Variants in PDZRN4 observed in about 807,000 individuals in gnomAD.
PDZRN4 encodes PDZ domain-containing RING finger protein 4.
In PDZRN4, 70 loss-of-function variants were observed where a neutral mutation model predicts 99.0. The ratio of observed to expected loss-of-function variants is 0.71; its 90% CI spans 0.58 to 0.86. The LOEUF is 0.86. Among genes scored for constraint, PDZRN4 ranks in the 40% least tolerant of loss-of-function variants. The probability of loss-of-function intolerance (pLI) is 0.00; values close to 1 mark genes in which losing one functional copy is unlikely to be tolerated. For missense variants in PDZRN4, 1,474 were observed against 1,331.2 expected, an observed-to-expected ratio of 1.11 and a Z score of -1.67; for synonymous variants, 551 against 501.6, an observed-to-expected ratio of 1.10 and a Z score of -1.32.
intron 5 of PDZRN4, among the ~76,000 whole-genome samples, chr12:41,540,330 G>C (rs1363705201): frequency 1.3e-5 from 2 of 152,118 alleles, no homozygotes; most frequent in Non-Finnish European, 2.9e-5. Context: ...CTGTATTTTA[G>C]GGGTGTTATA....
At chr12:41,326,974 A>G (rs1205840777) in intron 3 of PDZRN4, among the ~76,000 whole-genome samples, 1 of 152,174 alleles carries the variant, frequency 6.6e-6, no homozygotes, top group Non-Finnish European at 1.5e-5. Flanking sequence ...TCTGAACTGA[A>G]TTATTTCTCT....
In PDZRN4 at chr12:41,338,635, C is replaced by T. The variant is rs1951792371; in HGVS notation, c.843+144447C>T. ...AAAATGGAGACATGATAACTAACAT[C>T]ACAGAAATACAAAGGATCATAAGAG... On this transcript the variant is annotated intron_variant, in intron 3 of 9. Transcript: ENST00000402685. Among the ~76,000 whole-genome samples, 5 of 151,750 alleles carry T rather than the reference C, an allele frequency of 3.3e-5. No homozygotes were observed. The South Asian group carries it at 1.0e-3, about 32-fold the overall frequency.
At chr12:41,546,500 A>C (rs774250169) in intron 5 of PDZRN4, among the ~76,000 whole-genome samples, 1 of 152,208 alleles carries the variant, frequency 6.6e-6, no homozygotes, top group African/African-American at 2.4e-5. Context: ...CATAAAACTG[A>C]ATGTTGTGCC....
chr12:41,261,686 T>C (rs982131338), intron 3 of PDZRN4, among the ~76,000 whole-genome samples: 1 of 152,154 alleles, frequency 6.6e-6, no homozygotes, highest in African/African-American at 2.4e-5. Context: ...AGACAGGGTT[T>C]CACCGTGTTA....
In PDZRN4 at chr12:41,367,509, A is replaced by AAAAT. The variant is rs567895262; in HGVS notation, c.844-138931_844-138928dup. 3.4e-3 allele frequency among the ~76,000 whole-genome samples: 513 copies of AAAAT among 152,138 alleles called. 2 individuals are homozygous for AAAAT. Among genetic ancestry groups the AAAAT allele is most frequent in the African/African-American group, 0.012 (479 of 41,498 alleles). On this transcript the variant is annotated intron_variant, in intron 3 of 9. Coordinates refer to ENST00000402685, the MANE Select transcript of PDZRN4 (RefSeq NM_001164595.2). The stretch of plus-strand genomic sequence containing the variant: ...GGGTGACAGAGCAAGACTCTGTCTC[A>AAAAT]AAATAAATAAATAAATAAAAAAGAA...
chr12:41,504,891 C>T (rs1400199832), intron 3 of PDZRN4, among the ~76,000 whole-genome samples: 1 of 152,192 alleles, frequency 6.6e-6, no homozygotes, highest in Non-Finnish European at 1.5e-5. Context: ...ACTAGTGATT[C>T]AAGAGCAAGA....
chr12:41,234,520 T>C (rs1236983164), intron 3 of PDZRN4, among the ~76,000 whole-genome samples: 1 of 152,130 alleles, frequency 6.6e-6, no homozygotes, highest in Non-Finnish European at 1.5e-5. Flanking sequence ...TTATCACTGA[T>C]AGAGATATCT....
chr12:41,206,350 A>G (rs1950850534), intron 3 of PDZRN4, among the ~76,000 whole-genome samples: 2 of 151,798 alleles, frequency 1.3e-5, no homozygotes, highest in Non-Finnish European at 2.9e-5. Context: ...AAGACTTGGT[A>G]TTGTGTGTTT....
intron 9 of PDZRN4, among the ~76,000 whole-genome samples, chr12:41,568,912 C>A (rs1455178196): frequency 6.6e-6 from 1 of 151,130 alleles, no homozygotes; most frequent in African/African-American, 2.4e-5. Flanking sequence ...TCAATTGATT[C>A]TCCTGCCTCA....
At chr12:41,401,699 T>C (rs570570883) in intron 3 of PDZRN4, among the ~76,000 whole-genome samples, 1 of 152,244 alleles carries the variant, frequency 6.6e-6, no homozygotes, top group Admixed American at 6.5e-5. Context: ...CTAGCCTCTC[T>C]GGTATTGGCA....
At chr12:41,244,681 TTTTTTTTTC>T (rs1489423947) in intron 3 of PDZRN4, among the ~76,000 whole-genome samples, 1,004 of 26,852 alleles carry the variant, frequency 0.037, 17 homozygotes, top group South Asian at 0.2. Flanking sequence ...TTTTTTTTTT[TTTTTTTTTC>T]TTTTTGAGAC....
intron 3 of PDZRN4, among the ~76,000 whole-genome samples, chr12:41,376,541 C>G (rs1338839673): frequency 6.6e-6 from 1 of 152,042 alleles, no homozygotes; most frequent in Non-Finnish European, 1.5e-5. Flanking sequence ...GGAAAAATAT[C>G]AGTTCAAGCC....
chr12:41,233,380 C>G (rs1398482280), intron 3 of PDZRN4, among the ~76,000 whole-genome samples: 1 of 152,028 alleles, frequency 6.6e-6, no homozygotes, highest in African/African-American at 2.4e-5. Flanking sequence ...GTCAGTGTGG[C>G]GATTCCTCAG....
intron 3 of PDZRN4, among the ~76,000 whole-genome samples, chr12:41,291,542 A>G (rs1483456000): frequency 6.6e-6 from 1 of 152,156 alleles, no homozygotes; most frequent in Admixed American, 6.6e-5. Flanking sequence ...ATTATTCTTT[A>G]TTTACATGTC....
At chr12:41,556,721 T>C (rs1301508196) in intron 7 of PDZRN4, among the ~76,000 whole-genome samples, 2 of 152,186 alleles carry the variant, frequency 1.3e-5, no homozygotes, top group African/African-American at 4.8e-5. Context: ...ATGCAAGAGA[T>C]AGTAAGCAGA....
At chr12:41,505,365 C>G (rs1938187055) in intron 3 of PDZRN4, among the ~76,000 whole-genome samples, 1 of 152,144 alleles carries the variant, frequency 6.6e-6, no homozygotes, top group Non-Finnish European at 1.5e-5. Context: ...ATCGATTCAT[C>G]TGGGGCGAGA....
intron 3 of PDZRN4, among the ~76,000 whole-genome samples, chr12:41,343,078 T>C (rs1053760181): frequency 1.1e-4 from 16 of 151,920 alleles, no homozygotes; most frequent in Non-Finnish European, 1.3e-4. Context: ...TGTGACAACA[T>C]AGATGGGCCT....
intron 3 of PDZRN4, among the ~76,000 whole-genome samples, chr12:41,441,047 A>T (rs1952676722): frequency 6.6e-6 from 1 of 152,122 alleles, no homozygotes; most frequent in Non-Finnish European, 1.5e-5. Flanking sequence ...ATTTTTTCAC[A>T]TATGAATCCA....
At chr12:41,283,442 G>A (rs999709624) in intron 3 of PDZRN4, among the ~76,000 whole-genome samples, 2 of 152,172 alleles carry the variant, frequency 1.3e-5, no homozygotes, top group African/African-American at 4.8e-5. Flanking sequence ...ACAAAGTGGA[G>A]CTGATCCCAT....
Sources: allele counts gnomAD v4.1 joint callset (sites outside exome capture counted in the v4.1 genomes callset), GRCh38; gene constraint gnomAD v4.1.1; transcripts MANE v1.5; gene names NCBI Gene and HGNC (gene_info 2026-07-23, HGNC 2026-07-21).